WDR59: variants seen among roughly 807,000 people sequenced by gnomAD.
WDR59 encodes WD repeat domain 59.
In WDR59, 100 loss-of-function variants were observed where a neutral mutation model predicts 131.2. That is an observed-to-expected ratio of 0.76 (90% CI 0.65 to 0.90). The LOEUF (loss-of-function observed/expected upper bound fraction) is 0.90, where lower values mean the gene tolerates loss of function less well. Ranked by LOEUF, WDR59 falls within the 40% of genes least tolerant of loss-of-function variation. The pLI, the probability that WDR59 is intolerant of heterozygous loss-of-function variation, is 0.00. For synonymous variants in WDR59, 601 were observed against 466.2 expected (o/e 1.29, Z -3.72); for missense variants, 1,203 against 1,262.2 (o/e 0.95, Z 0.71).
chr16:74,971,424 T>C lies in WDR59; in HGVS notation c.55-5602A>G, dbSNP rs535343921. Among the ~76,000 whole-genome samples the C allele has an allele frequency of 1.8e-3, 258 of 141,834 alleles. 2 individuals are homozygous for C. The highest frequency in any genetic ancestry group is 6.8e-3 in the African/African-American group (247 of 36,568). 93.0% of individuals were successfully genotyped at this position (141,834 alleles called of 152,430 possible). A position where few individuals can be genotyped will look rare whatever the true frequency, so the allele number is the denominator to read the frequency against. The stretch of plus-strand genomic sequence containing the variant: ...CATCAGTTTTCCTTCCTTCTTTCCT[T>C]CCTTTTTTTTTTTTTTTTTTTTTTT... On this transcript the variant is annotated intron_variant, in intron 1 of 25. Transcript: ENST00000262144.
chr16:74,955,791 C>G (rs1415500112), intron 3 of WDR59, among the ~76,000 whole-genome samples: 1 of 152,004 alleles, frequency 6.6e-6, no homozygotes, highest in Non-Finnish European at 1.5e-5. Context: ...CTCCTGCCAG[C>G]CCAATGCAAA....
chr16:74,882,668 G>C (rs1964544272), intron 25 of WDR59, among the ~76,000 whole-genome samples: 2 of 151,786 alleles, frequency 1.3e-5, no homozygotes, highest in African/African-American at 4.8e-5. Context: ...AATACAAGTG[G>C]CGTGGTGGCG....
At chr16:74,982,119 A>T (rs891767599) in intron 1 of WDR59, among the ~76,000 whole-genome samples, 1 of 149,224 alleles carries the variant, frequency 6.7e-6, no homozygotes, top group Admixed American at 6.7e-5. Flanking sequence ...AAATGAAAGA[A>T]ATTTAAATAT....
intron 18 of WDR59, among the ~76,000 whole-genome samples, chr16:74,898,482 C>A (rs1273437253): frequency 6.6e-6 from 1 of 152,190 alleles, no homozygotes; most frequent in Non-Finnish European, 1.5e-5. Context: ...GAGCACCAGG[C>A]TGCCCCTCTG....
intron 14 of WDR59, chr16:74,911,865 G>C (rs1331517819): frequency 2.2e-6 from 1 of 459,920 alleles, no homozygotes; most frequent in Non-Finnish European, 3.9e-6. Flanking sequence ...TAGTATTAAT[G>C]AGATCTGTGG....
intron 8 of WDR59, among the ~76,000 whole-genome samples, chr16:74,930,232 T>A (rs1225761949): frequency 6.6e-6 from 1 of 152,196 alleles, no homozygotes; most frequent in Non-Finnish European, 1.5e-5. Flanking sequence ...TGATAAATGC[T>A]TGAGGTGATG....
chr16:74,972,561 C>T (rs1024726145), intron 1 of WDR59, among the ~76,000 whole-genome samples: 15 of 152,092 alleles, frequency 9.9e-5, no homozygotes, highest in East Asian at 1.9e-4. Context: ...AGGCCAGGCA[C>T]GGTGGCTCAC....
chr16:74,938,148 A>G lies in WDR59; in HGVS notation c.651+2T>C. 1 of 1,527,298 alleles carries G rather than the reference A, an allele frequency of 6.5e-7. No homozygotes were observed. The highest frequency in any genetic ancestry group is 8.8e-7 in the Non-Finnish European group (1 of 1,136,202). 94.6% of individuals were successfully genotyped at this position (1,527,298 alleles called of 1,614,324 possible). On this transcript the variant is annotated splice_donor_variant, in intron 8 of 25. Coordinates refer to ENST00000262144, the MANE Select transcript of WDR59 (RefSeq NM_030581.4). LOFTEE classifies it high-confidence loss of function. ...TCCAACTTCCCCATGGGTGCCACTG[A>G]CCTTCACAGAATTGTCTTGACTGGA...
intron 1 of WDR59, among the ~76,000 whole-genome samples, chr16:74,982,254 T>C (rs752926774): frequency 1.1e-4 from 16 of 151,942 alleles, no homozygotes; most frequent in African/African-American, 3.6e-4. Context: ...ATTAACAAAA[T>C]AGTTAATAAA....
Position 74,889,793 on chromosome 16 carries a change from G to C in WDR59, c.2105C>G (p.Ala702Gly). ...LVQVWSLATV[A>G]TDLCLGPKSD... ...TTTCGGACCAAGGCAAAGATCTGTA[G>C]CTACCGTAGCCAGCGACCAAACCTG... Residue 702 changes from alanine to glycine, a missense_variant, in exon 21 of 26, where the codon GCT (alanine) becomes GGT (glycine). Coordinates refer to ENST00000262144, the MANE Select transcript of WDR59 (RefSeq NM_030581.4). 1.2e-6 allele frequency: 2 copies of C among 1,614,084 alleles called. No individual in the cohort carries two copies. The highest frequency in any genetic ancestry group is 1.7e-6 in the Non-Finnish European group (2 of 1,179,990).
chr16:74,983,593 A>G (rs1044572923), intron 1 of WDR59, among the ~76,000 whole-genome samples: 7 of 152,156 alleles, frequency 4.6e-5, no homozygotes, highest in South Asian at 4.1e-4. Context: ...AAGTAGTCCA[A>G]TGAGCTAAAC....
At chr16:74,978,320 CAAAA>C (rs1182301591) in intron 1 of WDR59, among the ~76,000 whole-genome samples, 1 of 53,516 alleles carries the variant, frequency 1.9e-5, no homozygotes, top group Non-Finnish European at 3.5e-5. Flanking sequence ...GACTCTGTCT[CAAAA>C]AAAAAAAAAA....
chr16:74,960,976 ACTT>A (rs2033537123), intron 2 of WDR59, among the ~76,000 whole-genome samples: 1 of 152,032 alleles, frequency 6.6e-6, no homozygotes, highest in African/African-American at 2.4e-5. Flanking sequence ...AGTTTACCAC[ACTT>A]TATACAATTT....
intron 18 of WDR59, among the ~76,000 whole-genome samples, chr16:74,902,232 T>C (rs1965587023): frequency 6.6e-6 from 1 of 152,148 alleles, no homozygotes; most frequent in Non-Finnish European, 1.5e-5. Context: ...TTGGTCACTA[T>C]TTGAAATAAA....
intron 8 of WDR59, among the ~76,000 whole-genome samples, chr16:74,937,383 C>T (rs141462669): frequency 3.6e-4 from 55 of 152,294 alleles, no homozygotes; most frequent in African/African-American, 1.2e-3. Context: ...GAGGGAGCAG[C>T]TGTTTTTCCA....
intron 7 of WDR59, among the ~76,000 whole-genome samples, chr16:74,941,494 G>C (rs1197149004): frequency 1.3e-5 from 2 of 152,018 alleles, no homozygotes; most frequent in African/African-American, 4.8e-5. Context: ...GGGAGTTCAA[G>C]ACCATCCTGG....
chr16:74,957,079 TTC>T (rs1252346056), intron 2 of WDR59, among the ~76,000 whole-genome samples: 2 of 143,046 alleles, frequency 1.4e-5, no homozygotes, highest in Admixed American at 7.3e-5. Flanking sequence ...ATCTTTTTTT[TTC>T]TTTTTTTTTT....
At chr16:74,972,965 G>A (rs886610707) in intron 1 of WDR59, among the ~76,000 whole-genome samples, 1 of 151,748 alleles carries the variant, frequency 6.6e-6, no homozygotes, top group Non-Finnish European at 1.5e-5. Context: ...AGGCACGGTC[G>A]CTCACGCCTG....
intron 6 of WDR59, among the ~76,000 whole-genome samples, chr16:74,945,884 T>C (rs977527682): frequency 1.3e-5 from 2 of 150,546 alleles, no homozygotes; most frequent in African/African-American, 4.9e-5. Flanking sequence ...AATGGCGTGA[T>C]CTCGCTCACC....
Sources: allele counts gnomAD v4.1 joint callset (sites outside exome capture counted in the v4.1 genomes callset), GRCh38; gene constraint gnomAD v4.1.1; transcripts MANE v1.5; gene names NCBI Gene and HGNC (gene_info 2026-07-23, HGNC 2026-07-21).